TMEM135: variants seen among roughly 807,000 people sequenced by gnomAD.
TMEM135 encodes the protein peroxisomal membrane protein 52.
A neutral mutation model predicts 60.3 loss-of-function variants in TMEM135; 30 were observed. That is an observed-to-expected ratio of 0.50 (90% CI 0.37 to 0.68). The LOEUF (loss-of-function observed/expected upper bound fraction) is 0.68, where lower values mean the gene tolerates loss of function less well. TMEM135 is among the 30% of genes least tolerant of loss of function. TMEM135 has a pLI of 0.00. For missense variants in TMEM135, 468 were observed against 548.8 expected (o/e 0.85, Z 1.47); for synonymous variants, 190 against 186.7 (o/e 1.02, Z -0.14).
intron 6 of TMEM135, among the ~76,000 whole-genome samples, chr11:87,243,396 A>T (rs951143960): frequency 8.3e-6 from 1 of 120,372 alleles, no homozygotes; most frequent in African/African-American, 3.0e-5. Context: ...GAAGAAAGTC[A>T]TTGGTAGCTT....
At chr11:87,181,645 G>A (rs1291906607) in intron 5 of TMEM135, among the ~76,000 whole-genome samples, 1 of 151,988 alleles carries the variant, frequency 6.6e-6, no homozygotes, top group East Asian at 1.9e-4. Flanking sequence ...GAAACTGTTC[G>A]GCATAGTGAT....
chr11:87,038,609 CTTTTTTT>C (rs3045930), intron 1 of TMEM135, among the ~76,000 whole-genome samples: 2 of 113,930 alleles, frequency 1.8e-5, no homozygotes, highest in Non-Finnish European at 3.5e-5. Flanking sequence ...TTTTATTTTG[CTTTTTTT>C]TTTTTTTTTT....
chr11:87,230,656 T>C (rs1940870987), intron 5 of TMEM135, among the ~76,000 whole-genome samples: 1 of 152,032 alleles, frequency 6.6e-6, no homozygotes, highest in Non-Finnish European at 1.5e-5. Context: ...AAAGTTAAAA[T>C]ATGTAAAGTG....
At chr11:87,267,121 G>A (rs1941765029) in intron 6 of TMEM135, among the ~76,000 whole-genome samples, 1 of 152,136 alleles carries the variant, frequency 6.6e-6, no homozygotes, top group South Asian at 2.1e-4. Context: ...AATTGGAAGT[G>A]TCTTAAGAGT....
intron 5 of TMEM135, among the ~76,000 whole-genome samples, chr11:87,191,050 G>A (rs1437438280): frequency 4.6e-5 from 7 of 151,866 alleles, no homozygotes; most frequent in African/African-American, 7.3e-5. Context: ...CATTCACATA[G>A]CCGTTGACAC....
intron 5 of TMEM135, among the ~76,000 whole-genome samples, chr11:87,161,976 G>A (rs1938892433): frequency 6.6e-6 from 1 of 151,976 alleles, no homozygotes; most frequent in Admixed American, 6.6e-5. Flanking sequence ...CTCTAGCCTT[G>A]GGGAGCTTAT....
At chr11:87,252,085 G>A (rs1034388616) in intron 6 of TMEM135, among the ~76,000 whole-genome samples, 1 of 152,070 alleles carries the variant, frequency 6.6e-6, no homozygotes, top group Non-Finnish European at 1.5e-5. Context: ...GAAAAAGATA[G>A]GGCCATTTGC....
intron 3 of TMEM135, among the ~76,000 whole-genome samples, chr11:87,077,583 G>A (rs1258046856): frequency 1.3e-5 from 2 of 151,996 alleles, no homozygotes; most frequent in Admixed American, 6.6e-5. Flanking sequence ...TTCTGTTTTT[G>A]TAATAGCTTT....
At chr11:87,303,262 T>C (rs1209597612) in intron 8 of TMEM135, among the ~76,000 whole-genome samples, 2 of 152,148 alleles carry the variant, frequency 1.3e-5, no homozygotes, top group Admixed American at 6.5e-5. Context: ...GAACTGCGCG[T>C]ACAAGGGATC....
chr11:87,320,904 T>G (rs1311673587), intron 14 of TMEM135, among the ~76,000 whole-genome samples: 4 of 152,114 alleles, frequency 2.6e-5, no homozygotes, highest in Admixed American at 2.6e-4. Flanking sequence ...TTTGATACAG[T>G]CTAGTGGAAA....
At chr11:87,131,045 CCTATTGTG>C (rs1346012039) in intron 4 of TMEM135, among the ~76,000 whole-genome samples, 1 of 151,590 alleles carries the variant, frequency 6.6e-6, no homozygotes, top group Non-Finnish European at 1.5e-5. Flanking sequence ...TTATACCCTT[CCTATTGTG>C]CTGATAGGCT....
chr11:87,072,896 G>T (rs1345387841), intron 3 of TMEM135, among the ~76,000 whole-genome samples: 1 of 152,096 alleles, frequency 6.6e-6, no homozygotes, highest in Non-Finnish European at 1.5e-5. Context: ...ATCCACCTTT[G>T]TCCCAGATAA....
intron 7 of TMEM135, among the ~76,000 whole-genome samples, chr11:87,298,812 G>C (rs1356377897): frequency 9.4e-6 from 1 of 106,202 alleles, no homozygotes; most frequent in Non-Finnish European, 2.0e-5. Flanking sequence ...AAACAGCCGG[G>C]CACAGTGGCT....
At chr11:87,061,656 G>GT (rs1432475168) in intron 1 of TMEM135, among the ~76,000 whole-genome samples, 2 of 152,186 alleles carry the variant, frequency 1.3e-5, no homozygotes, top group African/African-American at 2.4e-5. Context: ...GTAAGGCTAA[G>GT]ATCATGGGTC....
In TMEM135 at chr11:87,272,539, C is replaced by T. The variant is rs117543182; in HGVS notation, c.510-23243C>T. ...ATAGTGGTGTGATCACAGCTCAATGCAACCTTGACCTCCCAGGCTCAAGTG... is the reference window on the plus strand; with the variant it reads ...ATAGTGGTGTGATCACAGCTCAATGTAACCTTGACCTCCCAGGCTCAAGTG... On this transcript the variant is annotated intron_variant, in intron 6 of 14. Transcript: ENST00000305494. Among the ~76,000 whole-genome samples the T allele has an allele frequency of 5.3e-4, 81 of 152,186 alleles. No homozygotes were observed. In the East Asian group the frequency reaches 0.015, roughly 28 times the overall value.
intron 6 of TMEM135, among the ~76,000 whole-genome samples, chr11:87,236,897 C>G (rs909664985): frequency 6.6e-6 from 1 of 150,816 alleles, no homozygotes; most frequent in African/African-American, 2.5e-5. Context: ...TTCTCCCCAC[C>G]CCCCATTCTA....
At chr11:87,316,579 GAT>G (rs564534156) in intron 12 of TMEM135, among the ~76,000 whole-genome samples, 79 of 152,030 alleles carry the variant, frequency 5.2e-4, no homozygotes, top group Non-Finnish European at 9.7e-4. Context: ...GCACCAGGAT[GAT>G]AGCAGTAGAG....
At chr11:87,039,084 T>C (rs950895511) in intron 1 of TMEM135, among the ~76,000 whole-genome samples, 1 of 152,244 alleles carries the variant, frequency 6.6e-6, no homozygotes, top group Non-Finnish European at 1.5e-5. Context: ...GTATGTCTTC[T>C]AAAAGTTTCA....
At chr11:87,228,668 T>C (rs747079573) in intron 5 of TMEM135, among the ~76,000 whole-genome samples, 1 of 152,108 alleles carries the variant, frequency 6.6e-6, no homozygotes, top group Non-Finnish European at 1.5e-5. Context: ...TGTGATCAGG[T>C]GCAAAAATCA....
Sources: allele counts gnomAD v4.1 joint callset (sites outside exome capture counted in the v4.1 genomes callset), GRCh38; gene constraint gnomAD v4.1.1; transcripts MANE v1.5; gene names NCBI Gene and HGNC (gene_info 2026-07-23, HGNC 2026-07-21).